FRMPD4: variants seen among roughly 807,000 people sequenced by gnomAD.
FRMPD4 encodes the protein FERM and PDZ domain containing 4, also known as FERM and PDZ domain-containing protein 4.
FRMPD4 carries 22 observed loss-of-function variants against 94.1 expected under a neutral mutation model. The ratio of observed to expected loss-of-function variants is 0.23; its 90% CI spans 0.17 to 0.33. The LOEUF (loss-of-function observed/expected upper bound fraction) is 0.33, where lower values mean the gene tolerates loss of function less well. Among genes scored for constraint, FRMPD4 ranks in the 10% least tolerant of loss-of-function variants. The probability of loss-of-function intolerance (pLI) is 1.00; values close to 1 mark genes in which losing one functional copy is unlikely to be tolerated. For synonymous variants in FRMPD4, 631 were observed against 548.6 expected, an observed-to-expected ratio of 1.15 and a Z score of -2.10; for missense variants, 1,111 against 1,339.9, an observed-to-expected ratio of 0.83 and a Z score of 2.67.
At chrX:12,181,398 A>G (rs1303204247) in intron 1 of FRMPD4, among the ~76,000 whole-genome samples, 1 of 112,305 alleles carries the variant, frequency 8.9e-6, no homozygotes, top group Non-Finnish European at 1.9e-5. Context: ...TAGAAAAAAG[A>G]TGGATAATCA....
intron 1 of FRMPD4, among the ~76,000 whole-genome samples, chrX:12,391,130 G>A (rs2407935): frequency 0.21 from 23,649 of 111,052 alleles, 2,039 homozygotes; most frequent in Non-Finnish European, 0.26. Context: ...AATTCTTTTC[G>A]TAAGGAAAAT....
intron 1 of FRMPD4, among the ~76,000 whole-genome samples, chrX:12,368,033 A>G (rs982431143): frequency 1.3e-4 from 14 of 111,678 alleles, no homozygotes; most frequent in Admixed American, 4.7e-4. Flanking sequence ...TGATGCCTCT[A>G]ATGCAATGAC....
intron 3 of FRMPD4, among the ~76,000 whole-genome samples, chrX:11,893,993 A>G (rs377594317): frequency 8.9e-6 from 1 of 112,034 alleles, no homozygotes; most frequent in South Asian, 3.8e-4. Context: ...AAAGGAGATT[A>G]TACTGGGTGG....
At chrX:11,920,121 A>G (rs1166487801) in intron 3 of FRMPD4, among the ~76,000 whole-genome samples, 1 of 111,916 alleles carries the variant, frequency 8.9e-6, no homozygotes, top group Non-Finnish European at 1.9e-5. Flanking sequence ...TGTGTTTCTA[A>G]TAAAAATAGA....
At chrX:12,618,715 G>A (rs922215351) in intron 4 of FRMPD4, among the ~76,000 whole-genome samples, 1 of 111,357 alleles carries the variant, frequency 9.0e-6, no homozygotes, top group Non-Finnish European at 1.9e-5. Flanking sequence ...CTTCAAGGCA[G>A]CAACATAAAT....
At chrX:12,472,284 G>A (rs912407453) in intron 1 of FRMPD4, among the ~76,000 whole-genome samples, 3 of 112,137 alleles carry the variant, frequency 2.7e-5, no homozygotes, top group Admixed American at 9.5e-5. Flanking sequence ...AGTTTCAGCT[G>A]CACTTAAAAC....
chrX:11,885,478 T>C (rs2053840420), intron 3 of FRMPD4, among the ~76,000 whole-genome samples: 1 of 111,126 alleles, frequency 9.0e-6, no homozygotes, highest in Non-Finnish European at 1.9e-5. Context: ...TGCATAATAA[T>C]GTGAATATAT....
intron 1 of FRMPD4, among the ~76,000 whole-genome samples, chrX:12,280,067 CTTAT>C (rs1255657358): frequency 9.1e-6 from 1 of 110,394 alleles, no homozygotes. Flanking sequence ...GGGCACACTG[CTTAT>C]TTAGCGCACA....
intron 3 of FRMPD4, among the ~76,000 whole-genome samples, chrX:12,073,397 C>T (rs1380553434): frequency 8.9e-6 from 1 of 111,968 alleles, no homozygotes; most frequent in Non-Finnish European, 1.9e-5. Flanking sequence ...GCTGTGTGTC[C>T]ATGAAACTAG....
chrX:11,914,489 G>A (rs1260502259), intron 3 of FRMPD4, among the ~76,000 whole-genome samples: 1 of 110,725 alleles, frequency 9.0e-6, no homozygotes, highest in African/African-American at 3.3e-5. Context: ...TTAAACACAC[G>A]TTTTTAAGAA....
At position 12,718,708 on chromosome X, in the gene FRMPD4, G is replaced by T; in HGVS notation, c.3882G>T (p.Leu1294=). 1 of 1,209,302 alleles carries T rather than the reference G, an allele frequency of 8.3e-7. No homozygotes were observed. ...GTCCACGGATGACAGTGCCTGCTCTGCACACAGCCATTAACACCGAACCCC... is the reference window on the plus strand; with the variant it reads ...GTCCACGGATGACAGTGCCTGCTCTTCACACAGCCATTAACACCGAACCCC... ...GMCPRMTVPA[L]HTAINTEPLF... Residue 1294 remains leucine (L), a synonymous_variant, in exon 16 of 17, where the codon CTG becomes CTT. Transcript: ENST00000675598.
intron 5 of FRMPD4, among the ~76,000 whole-genome samples, 162 bp downstream of exon 5, chrX:12,675,070 T>C (rs2059884667): frequency 1.8e-5 from 2 of 112,388 alleles, no homozygotes; most frequent in Non-Finnish European, 3.8e-5. Context: ...TTATACTCCA[T>C]GTTAGCAAAG....
intron 1 of FRMPD4, among the ~76,000 whole-genome samples, chrX:12,378,336 C>T (rs1246629260): frequency 8.9e-6 from 1 of 112,584 alleles, no homozygotes; most frequent in African/African-American, 3.2e-5. Context: ...GAGCTTTTCG[C>T]AATGTGCTTT....
At chrX:11,900,780 G>T (rs1400228957) in intron 3 of FRMPD4, among the ~76,000 whole-genome samples, 2 of 111,535 alleles carry the variant, frequency 1.8e-5, no homozygotes, top group African/African-American at 6.5e-5. Flanking sequence ...GGGTGGTAGT[G>T]GGGGGATGCT....
At chrX:12,081,374 A>G (rs1272015428) in intron 3 of FRMPD4, among the ~76,000 whole-genome samples, 1 of 111,610 alleles carries the variant, frequency 9.0e-6, no homozygotes, top group Middle Eastern at 4.2e-3. Flanking sequence ...TAATATGAGC[A>G]AAGCAGTCTT....
At chrX:12,168,385 A>G (rs1236820003) in intron 1 of FRMPD4, among the ~76,000 whole-genome samples, 2 of 108,876 alleles carry the variant, frequency 1.8e-5, no homozygotes, top group Admixed American at 2.0e-4. Flanking sequence ...AAAAAAAACA[A>G]CTCTCCAACT....
chrX:12,629,046 A>C (rs5979696), intron 4 of FRMPD4, among the ~76,000 whole-genome samples: 2,544 of 111,637 alleles, frequency 0.023, 72 homozygotes, highest in African/African-American at 0.077. Flanking sequence ...ACCACAAGAA[A>C]TGTATGGGGG....
At chrX:12,663,610 T>C (rs186700015) in intron 4 of FRMPD4, among the ~76,000 whole-genome samples, 1 of 112,196 alleles carries the variant, frequency 8.9e-6, no homozygotes, top group Non-Finnish European at 1.9e-5. Context: ...TGTAGCCTTG[T>C]AGTATAGTTT....
At chrX:12,331,064 A>G (rs2055363554) in intron 1 of FRMPD4, among the ~76,000 whole-genome samples, 1 of 111,613 alleles carries the variant, frequency 9.0e-6, no homozygotes, top group Non-Finnish European at 1.9e-5. Context: ...CACAGACCAC[A>G]TGTCAATTAA....
Sources: gnomAD v4.1 joint callset for allele counts (sites outside exome capture counted in the v4.1 genomes callset) on GRCh38, gnomAD v4.1.1 for gene constraint, MANE v1.5 for transcripts, NCBI Gene and HGNC (gene_info 2026-07-23, HGNC 2026-07-21) for gene names.